NECTIN3: variants seen among roughly 807,000 people sequenced by gnomAD.
NECTIN3 encodes nectin cell adhesion molecule 3.
NECTIN3 carries 8 observed loss-of-function variants against 49.4 expected under a neutral mutation model. The observed-to-expected ratio is 0.16, with a 90% CI of 0.10 to 0.29. The LOEUF is 0.29. Ranked by LOEUF, NECTIN3 falls within the 10% of genes least tolerant of loss-of-function variation. The pLI is 1.00. For missense variants in NECTIN3, 581 were observed against 654.6 expected (o/e 0.89, Z 1.23); for synonymous variants, 277 against 241.1 (o/e 1.15, Z -1.38).
At chr3:111,155,490 C>A (rs961036344) in intron 7 of NECTIN3, among the ~76,000 whole-genome samples, 2 of 152,008 alleles carry the variant, frequency 1.3e-5, no homozygotes. Flanking sequence ...TATAAAAGCA[C>A]GATGTTTATG....
At chr3:111,179,417 A>T (rs1228359005) in intron 7 of NECTIN3, among the ~76,000 whole-genome samples, 3 of 152,200 alleles carry the variant, frequency 2.0e-5, no homozygotes, top group Non-Finnish European at 4.4e-5. Context: ...TTTCTATGCA[A>T]TGATAGCTTT....
chr3:111,111,986 T>G, intron 1 of NECTIN3, 44 bp from the exon 2 acceptor site: 1 of 1,426,614 alleles, frequency 7.0e-7, no homozygotes. Context: ...TGTTGACCAC[T>G]TTTTTCTATT....
chr3:111,117,002 T>C (rs964165497), intron 2 of NECTIN3, among the ~76,000 whole-genome samples: 30 of 152,098 alleles, frequency 2.0e-4, no homozygotes, highest in African/African-American at 7.0e-4. Flanking sequence ...ACAAATATGC[T>C]AAGATACATG....
intron 1 of NECTIN3, among the ~76,000 whole-genome samples, chr3:111,105,245 C>T (rs890838378): frequency 2.8e-4 from 43 of 151,800 alleles, no homozygotes; most frequent in Admixed American, 1.8e-3. Context: ...CAGACTCAAG[C>T]GATACTCCCA....
chr3:111,181,476 A>G (rs2035626166), intron 7 of NECTIN3, among the ~76,000 whole-genome samples: 1 of 152,166 alleles, frequency 6.6e-6, no homozygotes, highest in African/African-American at 2.4e-5. Context: ...TTAATCTCAT[A>G]AAAGGAGTTT....
At chr3:111,152,541 T>C (rs1275021868) in intron 7 of NECTIN3, among the ~76,000 whole-genome samples, 1 of 151,936 alleles carries the variant, frequency 6.6e-6, no homozygotes, top group Non-Finnish European at 1.5e-5. Flanking sequence ...TATTCTTTTG[T>C]CTTTTTATTT....
intron 7 of NECTIN3, among the ~76,000 whole-genome samples, chr3:111,148,716 A>G (rs570935664): frequency 1.3e-5 from 2 of 152,064 alleles, no homozygotes; most frequent in African/African-American, 4.8e-5. Flanking sequence ...ATCTTTTTGT[A>G]TCATTTTTCA....
chr3:111,081,633 A>C (rs2031611949), intron 1 of NECTIN3, among the ~76,000 whole-genome samples: 1 of 152,232 alleles, frequency 6.6e-6, no homozygotes, highest in Non-Finnish European at 1.5e-5. Context: ...GTATTGTCGG[A>C]TTATAGAAAG....
At chr3:111,149,458 GATGT>G (rs1382863049) in intron 7 of NECTIN3, among the ~76,000 whole-genome samples, 12 of 109,554 alleles carry the variant, frequency 1.1e-4, no homozygotes, top group African/African-American at 2.1e-4. Context: ...ATTCTGGTAG[GATGT>G]GTGTGTGTGT....
intron 1 of NECTIN3, among the ~76,000 whole-genome samples, chr3:111,084,463 G>A (rs569517086): frequency 1.8e-4 from 28 of 152,174 alleles, no homozygotes; most frequent in Non-Finnish European, 3.8e-4. Flanking sequence ...ACTATTCTAG[G>A]TACTGTGAAA....
At chr3:111,160,674 T>C (rs927721267) in intron 7 of NECTIN3, among the ~76,000 whole-genome samples, 3 of 152,194 alleles carry the variant, frequency 2.0e-5, no homozygotes, top group Non-Finnish European at 4.4e-5. Context: ...AAAAATTATT[T>C]CTGATGGAAA....
intron 1 of NECTIN3, among the ~76,000 whole-genome samples, chr3:111,095,742 G>C (rs2032546725): frequency 6.6e-6 from 1 of 152,118 alleles, no homozygotes; most frequent in African/African-American, 2.4e-5. Flanking sequence ...TTTTACAAAG[G>C]GGAGTTTCCT....
rs2034625405 is a variant in NECTIN3 at position 111,137,555 on chromosome 3, G to A, written c.*3340G>A. On this transcript the variant is annotated 3_prime_UTR_variant, in exon 6 of 6. Transcript: ENST00000485303. ...AAATAAAAGTTAAAAAAGTTCTTTA[G>A]AGGCATATTTCTGTAATAAGTTCAT... The A allele has an allele frequency of 1.1e-6, 1 of 934,144 alleles. No homozygotes were observed. Among genetic ancestry groups the A allele is most frequent in the African/African-American group, 1.8e-5 (1 of 54,406 alleles). The allele number at this position is 934,144 out of a possible 1,614,324, so 57.9% of individuals were successfully genotyped here.
intron 7 of NECTIN3, among the ~76,000 whole-genome samples, chr3:111,159,517 G>A (rs2035166639): frequency 6.6e-6 from 1 of 151,950 alleles, no homozygotes; most frequent in African/African-American, 2.4e-5. Flanking sequence ...TTTTAAGTGA[G>A]GAATGTGATA....
intron 6 of NECTIN3, among the ~76,000 whole-genome samples, chr3:111,146,121 T>C (rs1559807741): frequency 6.6e-6 from 1 of 152,214 alleles, no homozygotes; most frequent in Non-Finnish European, 1.5e-5. Flanking sequence ...CTTGTGGGAC[T>C]GGAGTGCTTC....
At chr3:111,140,944 C>T (rs1290880083), downstream of NECTIN3, among the ~76,000 whole-genome samples, 2 of 151,908 alleles carry the variant, frequency 1.3e-5, no homozygotes, top group Admixed American at 1.3e-4. Flanking sequence ...TATTTCTATA[C>T]TTCCTGGATG....
At chr3:111,074,594 A>C (rs1485058860) in intron 1 of NECTIN3, among the ~76,000 whole-genome samples, 1 of 152,124 alleles carries the variant, frequency 6.6e-6, no homozygotes, top group Non-Finnish European at 1.5e-5. Flanking sequence ...AAGGCTATAA[A>C]AATGTTTATA....
chr3:111,149,800 C>T (rs979016835), intron 7 of NECTIN3, among the ~76,000 whole-genome samples: 5 of 150,940 alleles, frequency 3.3e-5, no homozygotes, highest in East Asian at 1.9e-4. Flanking sequence ...TGTGATTTTT[C>T]AGGGGAATAC....
intron 7 of NECTIN3, among the ~76,000 whole-genome samples, chr3:111,182,091 C>A (rs2035635889): frequency 1.3e-5 from 2 of 151,744 alleles, no homozygotes; most frequent in Admixed American, 6.6e-5. Context: ...TCTTTTATTT[C>A]TTTGCTTAAT....
Sources: gnomAD v4.1 joint callset for allele counts (sites outside exome capture counted in the v4.1 genomes callset) on GRCh38, gnomAD v4.1.1 for gene constraint, MANE v1.5 for transcripts, NCBI Gene and HGNC (gene_info 2026-07-23, HGNC 2026-07-21) for gene names.